The following DOCK1 variants were observed in gnomAD, a reference collection of about 807,000 sequenced individuals.
DOCK1 encodes dedicator of cytokinesis 1, also known as dedicator of cytokinesis protein 1.
A neutral mutation model predicts 262.7 loss-of-function variants in DOCK1; 138 were observed. The ratio of observed to expected loss-of-function variants is 0.53; its 90% CI spans 0.46 to 0.61. The LOEUF is 0.61. DOCK1 is among the 20% of genes least tolerant of loss of function. The pLI is 0.00. For missense variants in DOCK1, 1,908 were observed against 2,370.7 expected, an observed-to-expected ratio of 0.80 and a Z score of 4.05; for synonymous variants, 866 against 867.4, an observed-to-expected ratio of 1.00 and a Z score of 0.03.
intron 1 of DOCK1, among the ~76,000 whole-genome samples, chr10:126,963,662 C>G (rs2037448810): frequency 7.5e-6 from 1 of 133,466 alleles, no homozygotes; most frequent in Non-Finnish European, 1.6e-5. Context: ...TTCCTTCCTT[C>G]CTTCCTTCCT....
chr10:127,110,370 A>G lies in DOCK1; in HGVS notation c.2623+16A>G, dbSNP rs370566922. 22 of 1,596,260 alleles carry G rather than the reference A, an allele frequency of 1.4e-5. No homozygotes were observed. The highest frequency in any genetic ancestry group is 1.8e-5 in the Non-Finnish European group (21 of 1,167,652). On this transcript the variant is annotated intron_variant, in intron 25 of 51. Coordinates refer to ENST00000623213, the MANE Select transcript of DOCK1 (RefSeq NM_001290223.2). ...ACACAGCATGGTGAGTGGAACCCCA[A>G]GAATTATTCACTTGTCCTGTTATTT...
At chr10:126,922,198 C>T (rs2033266693) in intron 1 of DOCK1, among the ~76,000 whole-genome samples, 5 of 120,870 alleles carry the variant, frequency 4.1e-5, no homozygotes, top group South Asian at 2.7e-4. Flanking sequence ...TGACAGAGTA[C>T]GACCCTGTAT....
intron 27 of DOCK1, among the ~76,000 whole-genome samples, chr10:127,188,219 A>G (rs564322424): frequency 2.0e-5 from 3 of 152,310 alleles, no homozygotes; most frequent in African/African-American, 7.2e-5. Context: ...GTGCACAAAC[A>G]GATGGGGTGG....
intron 28 of DOCK1, among the ~76,000 whole-genome samples, chr10:127,249,874 ATGTT>A (rs1173695458): frequency 6.6e-6 from 1 of 152,200 alleles, no homozygotes; most frequent in Non-Finnish European, 1.5e-5. Flanking sequence ...GAATATGTAT[ATGTT>A]TGTATTTCTG....
At chr10:126,919,509 T>C (rs1407322941) in intron 1 of DOCK1, among the ~76,000 whole-genome samples, 4 of 152,094 alleles carry the variant, frequency 2.6e-5, no homozygotes, top group Admixed American at 6.6e-5. Flanking sequence ...TCTTGGGGGT[T>C]GTTGCTTTGA....
intron 23 of DOCK1, among the ~76,000 whole-genome samples, chr10:127,082,477 C>T (rs1042705625): frequency 1.7e-4 from 26 of 152,074 alleles, no homozygotes; most frequent in African/African-American, 5.3e-4. Flanking sequence ...GGCAAGAGAG[C>T]GTGTGCAGGA....
intron 28 of DOCK1, among the ~76,000 whole-genome samples, chr10:127,254,821 A>T (rs2498933): frequency 0.65 from 99,138 of 152,080 alleles, 33,222 homozygotes; most frequent in African/African-American, 0.82. Context: ...GCCATTGGGG[A>T]AATGGGTTCA....
At chr10:127,442,785 C>G (rs1038608646) in intron 49 of DOCK1, among the ~76,000 whole-genome samples, 3 of 152,240 alleles carry the variant, frequency 2.0e-5, no homozygotes, top group Non-Finnish European at 4.4e-5. Flanking sequence ...TGCCATGGAA[C>G]AGGCCATTGA....
At chr10:127,137,703 G>T in intron 27 of DOCK1, 2 of 751,318 alleles carry the variant, frequency 2.7e-6, no homozygotes, top group Non-Finnish European at 4.3e-6. Context: ...AGGCCTTTTT[G>T]GTACGCAGGG....
intron 21 of DOCK1, among the ~76,000 whole-genome samples, chr10:127,052,012 G>A (rs2044754951): frequency 6.6e-6 from 1 of 152,082 alleles, no homozygotes; most frequent in South Asian, 2.1e-4. Context: ...AAATCTCTTC[G>A]ATTTTATTGT....
At chr10:127,365,597 G>A (rs2064861247) in intron 33 of DOCK1, among the ~76,000 whole-genome samples, 1 of 152,124 alleles carries the variant, frequency 6.6e-6, no homozygotes, top group South Asian at 2.1e-4. Context: ...AGAAAACTAA[G>A]GTCAAAAGTG....
intron 1 of DOCK1, among the ~76,000 whole-genome samples, chr10:126,957,706 A>G (rs2036863973): frequency 1.3e-5 from 2 of 151,952 alleles, no homozygotes; most frequent in South Asian, 2.1e-4. Flanking sequence ...TTTCGATCTC[A>G]TGGGCTCAAG....
At chr10:126,920,018 G>A (rs1246342884) in intron 1 of DOCK1, among the ~76,000 whole-genome samples, 2 of 152,202 alleles carry the variant, frequency 1.3e-5, no homozygotes, top group East Asian at 3.9e-4. Context: ...CGAGAATGCA[G>A]TGGGTGACGG....
At chr10:127,340,376 A>G (rs932413445) in intron 30 of DOCK1, among the ~76,000 whole-genome samples, 6 of 152,074 alleles carry the variant, frequency 3.9e-5, no homozygotes, top group Non-Finnish European at 8.8e-5. Context: ...CGCTTTCAGC[A>G]TTTATATGGG....
At chr10:127,288,760 C>T in intron 29 of DOCK1, among the ~76,000 whole-genome samples, 1 of 133,628 alleles carries the variant, frequency 7.5e-6, no homozygotes, top group South Asian at 2.3e-4. Flanking sequence ...ATATACTATA[C>T]TATGTATATA....
At chr10:127,169,598 G>A (rs926928626) in intron 27 of DOCK1, among the ~76,000 whole-genome samples, 2 of 152,154 alleles carry the variant, frequency 1.3e-5, no homozygotes, top group African/African-American at 4.8e-5. Flanking sequence ...ACACAAGTAT[G>A]CCCATTCATA....
At chr10:127,247,863 A>AGAGG in intron 27 of DOCK1, 145 bp from the exon 28 acceptor site, 1 of 701,302 alleles carries the variant, frequency 1.4e-6, no homozygotes, top group Non-Finnish European at 2.4e-6. Context: ...CTTCCCTGAG[A>AGAGG]GAGGGGCAGC....
intron 1 of DOCK1, among the ~76,000 whole-genome samples, chr10:126,933,000 G>C (rs2034299870): frequency 6.6e-6 from 1 of 151,954 alleles, no homozygotes; most frequent in African/African-American, 2.4e-5. Context: ...GGAGGAGTCT[G>C]AGGCATTTTT....
intron 18 of DOCK1, among the ~76,000 whole-genome samples, chr10:127,036,633 C>A (rs1041812876): frequency 3.9e-5 from 6 of 151,954 alleles, no homozygotes; most frequent in Non-Finnish European, 8.8e-5. Flanking sequence ...CTTGGGTAGG[C>A]ATATGTACTT....
Sources: allele counts gnomAD v4.1 joint callset (sites outside exome capture counted in the v4.1 genomes callset), GRCh38; gene constraint gnomAD v4.1.1; transcripts MANE v1.5; gene names NCBI Gene and HGNC (gene_info 2026-07-23, HGNC 2026-07-21).